The following RNF150 variants were observed in gnomAD, a reference collection of about 807,000 sequenced individuals.
RNF150 encodes ring finger protein 150.
Under a neutral mutation model 39.3 loss-of-function variants are expected in RNF150, and 24 were observed. The observed-to-expected ratio is 0.61, with a 90% CI of 0.44 to 0.86. The LOEUF is 0.86. Ranked by LOEUF, RNF150 falls within the 40% of genes least tolerant of loss-of-function variation. The pLI, the probability that RNF150 is intolerant of heterozygous loss-of-function variation, is 0.00. For synonymous variants in RNF150, 255 were observed against 227.3 expected (o/e 1.12, Z -1.10); for missense variants, 502 against 587.8 (o/e 0.85, Z 1.51).
In RNF150 at chr4:141,027,912, G is replaced by GTTTTTTGTTTT. The variant is rs1560696593; in HGVS notation, c.485-60040_485-60039insAAAACAAAAAA. Among the ~76,000 whole-genome samples, 16 of 27,104 alleles carry GTTTTTTGTTTT rather than the reference G, an allele frequency of 5.9e-4. 6 individuals carry two copies. Among genetic ancestry groups the GTTTTTTGTTTT allele is most frequent in the Non-Finnish European group, 5.2e-4 (6 of 11,596 alleles). 17.8% of individuals were successfully genotyped at this position (27,104 alleles called of 152,430 possible). ...TAGATAGTTAATGAGCTTGGAATTT[G>GTTTTTTGTTTT]TTTTTTTTTTTTTGTTTTTTTTTTT... On this transcript the variant is annotated intron_variant, in intron 1 of 6. Transcript: ENST00000515673.
chr4:141,029,824 A>T (rs1404074517), intron 1 of RNF150, among the ~76,000 whole-genome samples: 1 of 152,256 alleles, frequency 6.6e-6, no homozygotes, highest in Non-Finnish European at 1.5e-5. Flanking sequence ...ACAATTCAAC[A>T]ATAAAAAACA....
At chr4:140,956,440 C>T (rs1211493709) in intron 2 of RNF150, among the ~76,000 whole-genome samples, 1 of 152,074 alleles carries the variant, frequency 6.6e-6, no homozygotes, top group African/African-American at 2.4e-5. Flanking sequence ...TGAATCTGGC[C>T]TCCCAACTCA....
chr4:140,950,593 C>T (rs1026702297), intron 2 of RNF150, among the ~76,000 whole-genome samples: 1 of 152,132 alleles, frequency 6.6e-6, no homozygotes, highest in Non-Finnish European at 1.5e-5. Flanking sequence ...ATTTGCCAAG[C>T]CACCCGGTCA....
rs150143382 is a variant in RNF150, at chr4:141,193,233, T to A, written c.-6+19561A>T. Among the ~76,000 whole-genome samples the A allele has an allele frequency of 4.8e-4, 73 of 152,362 alleles. No individual in the cohort carries two copies. The Middle Eastern group carries it at 0.01, about 21-fold the overall frequency. ...AGCAATTAGAATAGTGCCTAGCACA[T>A]AATAAGCATTCAATAAATGTTTGCT... On this transcript the variant is annotated intron_variant, in intron 1 of 7. Coordinates refer to the RNF150 transcript ENST00000420921.
At chr4:140,885,391 AT>A (rs1188509646) in intron 6 of RNF150, among the ~76,000 whole-genome samples, 1 of 140,806 alleles carries the variant, frequency 7.1e-6, no homozygotes, top group Non-Finnish European at 1.5e-5. Flanking sequence ...TATATATAAT[AT>A]ATTATAAAAG....
At chr4:141,070,401 A>C (rs1737645552) in intron 1 of RNF150, among the ~76,000 whole-genome samples, 1 of 148,956 alleles carries the variant, frequency 6.7e-6, no homozygotes, top group South Asian at 2.2e-4. Flanking sequence ...TAAACTAAAG[A>C]GCTTCTGCAC....
intron 4 of RNF150, among the ~76,000 whole-genome samples, chr4:140,930,942 GTTTTTT>G (rs34765057): frequency 1.3e-5 from 2 of 151,028 alleles, no homozygotes; most frequent in African/African-American, 4.9e-5. Context: ...ATCTGCTGGG[GTTTTTT>G]TTTGTTTGCT....
chr4:141,196,192 T>A (rs1236410501), intron 1 of RNF150, among the ~76,000 whole-genome samples: 1 of 152,122 alleles, frequency 6.6e-6, no homozygotes, highest in Non-Finnish European at 1.5e-5. Flanking sequence ...CTGGCAGGTG[T>A]TTTTACCATG....
chr4:141,003,121 CTACTTAT>C (rs1734728105), intron 1 of RNF150, among the ~76,000 whole-genome samples: 1 of 151,914 alleles, frequency 6.6e-6, no homozygotes, highest in Non-Finnish European at 1.5e-5. Context: ...CAACAAAAAA[CTACTTAT>C]TACTTATTGG....
intron 1 of RNF150, among the ~76,000 whole-genome samples, chr4:141,125,803 G>C (rs1415554405): frequency 6.6e-6 from 1 of 152,072 alleles, no homozygotes; most frequent in Non-Finnish European, 1.5e-5. Flanking sequence ...GAGAAGCCAG[G>C]AGATTTTTAA....
rs1274102495 is a variant in RNF150 at position 140,911,358 on chromosome 4, A to G, written c.988-4T>C. On this transcript the variant is annotated splice_region_variant and splice_polypyrimidine_tract_variant and intron_variant, in intron 5 of 6. Coordinates refer to ENST00000515673, the MANE Select transcript of RNF150 (RefSeq NM_020724.2). The stretch of plus-strand genomic sequence containing the variant: ...CGTCCATGCAGTCGGCATTGGGCTG[A>G]TGGGGCAGAAAAAGATCTGTTCTCA... 1.2e-6 allele frequency: 2 copies of G among 1,613,694 alleles called. No individual in the cohort carries two copies. Among genetic ancestry groups the G allele is most frequent in the Non-Finnish European group, 1.7e-6 (2 of 1,179,706 alleles).
chr4:141,046,966 T>C (rs1161036012), intron 1 of RNF150, among the ~76,000 whole-genome samples: 3 of 152,002 alleles, frequency 2.0e-5, no homozygotes, highest in African/African-American at 7.2e-5. Context: ...AGGAAAAAAA[T>C]AAATGCTCAA....
At position 140,860,677 on chromosome 4, in the gene RNF150, A is replaced by G. The variant is rs1327850927; in HGVS notation, c.*7584T>C. ...AAAGCCATTGGAATTTCCTCTTGCT[A>G]GTAGGGAGGAAGATTGATTTATGAT... On this transcript the variant is annotated 3_prime_UTR_variant, in exon 7 of 7. Coordinates refer to ENST00000515673, the MANE Select transcript of RNF150 (RefSeq NM_020724.2). 2 of 152,244 alleles carry G rather than the reference A, an allele frequency of 1.3e-5. No individual in the cohort carries two copies. The highest frequency in any genetic ancestry group is 4.8e-5 in the African/African-American group (2 of 41,476). 9.4% of individuals were successfully genotyped at this position (152,244 alleles called of 1,614,324 possible). A position where few individuals can be genotyped will look rare whatever the true frequency, so the allele number is the denominator to read the frequency against.
At chr4:140,907,592 G>T (rs1730435401) in intron 6 of RNF150, among the ~76,000 whole-genome samples, 1 of 152,158 alleles carries the variant, frequency 6.6e-6, no homozygotes, top group Non-Finnish European at 1.5e-5. Flanking sequence ...GTATAAGTAG[G>T]AAGTAAACAA....
intron 1 of RNF150, among the ~76,000 whole-genome samples, chr4:141,201,587 T>A (rs1192959111): frequency 6.6e-6 from 1 of 151,758 alleles, no homozygotes; most frequent in Non-Finnish European, 1.5e-5. Flanking sequence ...TGCCACCTCC[T>A]CATTGTCTCC....
intron 1 of RNF150, among the ~76,000 whole-genome samples, chr4:140,982,793 G>A (rs1318763615): frequency 2.6e-5 from 4 of 152,140 alleles, no homozygotes; most frequent in African/African-American, 7.2e-5. Context: ...TTACAACTAT[G>A]CATGCCTGCT....
At chr4:141,108,340 A>G (rs939999179) in intron 1 of RNF150, among the ~76,000 whole-genome samples, 3 of 152,184 alleles carry the variant, frequency 2.0e-5, no homozygotes, top group Non-Finnish European at 4.4e-5. Context: ...ATTCAATTCA[A>G]TAAATTCCAT....
intron 4 of RNF150, among the ~76,000 whole-genome samples, chr4:140,933,630 A>G (rs908331801): frequency 6.6e-6 from 1 of 152,246 alleles, no homozygotes; most frequent in African/African-American, 2.4e-5. Flanking sequence ...ACAGAAAATG[A>G]AGTTGGAAAA....
chr4:141,176,009 C>A (rs1727804317), intron 1 of RNF150, among the ~76,000 whole-genome samples: 1 of 151,916 alleles, frequency 6.6e-6, no homozygotes, highest in Non-Finnish European at 1.5e-5. Flanking sequence ...CTCAGCTTCT[C>A]GAGTAGCTGA....
Sources: allele counts gnomAD v4.1 joint callset (sites outside exome capture counted in the v4.1 genomes callset), GRCh38; gene constraint gnomAD v4.1.1; transcripts MANE v1.5; gene names NCBI Gene and HGNC (gene_info 2026-07-23, HGNC 2026-07-21).